Variants in RPL26 observed in about 807,000 individuals in gnomAD.
RPL26 encodes large ribosomal subunit protein uL24.
Under a neutral mutation model 16.2 loss-of-function variants are expected in RPL26, and 1 was observed. The observed-to-expected ratio is 0.06, with a 90% CI of 0.02 to 0.29. The LOEUF is 0.29. RPL26 is among the 10% of genes least tolerant of loss of function. RPL26 has a pLI of 1.00. For missense variants in RPL26, 102 were observed against 184.3 expected (o/e 0.55, Z 2.58); for synonymous variants, 55 against 62.4 (o/e 0.88, Z 0.56).
chr17:8,383,161 T>C lies in RPL26; in HGVS notation c.-10A>G, dbSNP rs965332933. The stretch of plus-strand genomic sequence containing the variant: ...GCTTGCCCGCCGAATCCTTACCCGC[T>C]CCCGCTTCGGTGATGGCCGCAAAAG... On this transcript the variant is annotated 5_prime_UTR_variant, in exon 1 of 4. Coordinates refer to ENST00000648839, the MANE Select transcript of RPL26 (RefSeq NM_000987.5). The C allele has an allele frequency of 2.5e-6, 1 of 398,508 alleles. No individual in the cohort carries two copies. The allele number at this position is 398,508 out of a possible 1,614,324, so 24.7% of individuals were successfully genotyped here.
At chr17:8,378,314 C>T (rs1161434917) in intron 3 of RPL26, among the ~76,000 whole-genome samples, 1 of 152,054 alleles carries the variant, frequency 6.6e-6, no homozygotes, top group African/African-American at 2.4e-5. Context: ...CCAGCCTGGG[C>T]GATCAATCGA....
At chr17:8,379,967 T>G in intron 2 of RPL26, 31 bp from the exon 3 acceptor site, 1 of 1,580,588 alleles carries the variant, frequency 6.3e-7, no homozygotes, top group South Asian at 1.1e-5. Flanking sequence ...AACAAATATT[T>G]GAATAAAAGA....
chr17:8,382,907 G>C (rs1907492563), intron 1 of RPL26: 1 of 396,980 alleles, frequency 2.5e-6, no homozygotes, highest in African/African-American at 2.1e-5. Flanking sequence ...ACACTACCCA[G>C]ACTCCAGTCT....
chr17:8,378,195 G>A (rs1450221401), intron 3 of RPL26, among the ~76,000 whole-genome samples: 2 of 152,194 alleles, frequency 1.3e-5, no homozygotes, highest in African/African-American at 4.8e-5. Flanking sequence ...GCTGGGTATG[G>A]TGGCACATGC....
intron 2 of RPL26, among the ~76,000 whole-genome samples, chr17:8,381,498 C>G (rs1339116047): frequency 6.6e-6 from 1 of 152,120 alleles, no homozygotes. Context: ...GCAGGATCCC[C>G]AGGAGTTGGA....
intron 2 of RPL26, chr17:8,381,910 G>GA (rs1369801022): frequency 2.7e-6 from 1 of 370,000 alleles, no homozygotes; most frequent in Admixed American, 5.1e-5. Context: ...GCCTGGGGGG[G>GA]ACAAGAGCGA....
At chr17:8,382,403 C>CTAGACT in intron 1 of RPL26, 88 bp from the exon 2 acceptor site, 1 of 954,322 alleles carries the variant, frequency 1.0e-6, no homozygotes, top group Non-Finnish European at 1.6e-6. Context: ...TCTTGATAGT[C>CTAGACT]TAGAATGATC....
intron 1 of RPL26, 91 bp from the exon 2 acceptor site, chr17:8,382,406 G>C (rs891172579): frequency 3.2e-6 from 3 of 933,280 alleles, no homozygotes; most frequent in Non-Finnish European, 3.3e-6. Flanking sequence ...TGATAGTCTA[G>C]AATGATCATA....
intron 1 of RPL26, chr17:8,382,618 G>A (rs927419111): frequency 2.8e-6 from 1 of 357,150 alleles, no homozygotes; most frequent in Non-Finnish European, 5.1e-6. Context: ...TAGTGCCTGA[G>A]GAAATCAAGA....
At position 8,379,953 on chromosome 17, in the gene RPL26, A is replaced by G; in HGVS notation, c.169-17T>C. ...ACGTACAACCTAAGAGCAAATTCAA[A>G]AGTAACAAATATTTGAATAAAAGAT... On this transcript the variant is annotated splice_polypyrimidine_tract_variant and intron_variant, in intron 2 of 3. Transcript: ENST00000648839. The G allele has an allele frequency of 6.2e-7, 1 of 1,601,710 alleles. No individual in the cohort carries two copies. Among genetic ancestry groups the G allele is most frequent in the Non-Finnish European group, 8.5e-7 (1 of 1,172,164 alleles).
At position 8,382,127 on chromosome 17, in the gene RPL26, A is replaced by C; in HGVS notation, c.168+16T>G. 1 of 1,607,546 alleles carries C rather than the reference A, an allele frequency of 6.2e-7. No individual in the cohort carries two copies. Among genetic ancestry groups the C allele is most frequent in the Non-Finnish European group, 8.5e-7 (1 of 1,175,258 alleles). On this transcript the variant is annotated intron_variant, in intron 2 of 3. Coordinates refer to ENST00000648839, the MANE Select transcript of RPL26 (RefSeq NM_000987.5). ...AAATATCCATCAAGACAACGAGAACAAGTAGGGATACACACCTGAACTTCA... is the reference window on the plus strand; with the variant it reads ...AAATATCCATCAAGACAACGAGAACCAGTAGGGATACACACCTGAACTTCA...
chr17:8,382,666 A>G (rs1907478389), intron 1 of RPL26: 1 of 294,840 alleles, frequency 3.4e-6, no homozygotes, highest in Non-Finnish European at 6.2e-6. Flanking sequence ...CGACAACGCA[A>G]TTCTCTTAAC....
intron 3 of RPL26, 30 bp downstream of exon 3, chr17:8,379,766 C>T: frequency 6.3e-7 from 1 of 1,599,230 alleles, no homozygotes; most frequent in South Asian, 1.1e-5. Flanking sequence ...CCATAATTTC[C>T]TTCTCTCAAG....
chr17:8,382,055 A>C (rs1372311681), intron 2 of RPL26, 88 bp downstream of exon 2: 5 of 1,184,528 alleles, frequency 4.2e-6, no homozygotes, highest in Non-Finnish European at 4.9e-6. Flanking sequence ...AGAGTCTCAG[A>C]AGCATCTTTC....
At chr17:8,383,115 G>A (rs907333004) in intron 1 of RPL26, 42 bp downstream of exon 1, 2 of 398,658 alleles carry the variant, frequency 5.0e-6, no homozygotes, top group Admixed American at 4.4e-5. Context: ...GCCCAAGAAC[G>A]GATGGCTGCT....
intron 2 of RPL26, chr17:8,381,388 T>A (rs1241095270): frequency 6.6e-6 from 1 of 152,194 alleles, no homozygotes; most frequent in Admixed American, 6.5e-5. Context: ...TGTTGGGTAG[T>A]CACAATATAT....
intron 1 of RPL26, 108 bp from the exon 2 acceptor site, chr17:8,382,423 G>T: frequency 1.3e-6 from 1 of 767,838 alleles, no homozygotes; most frequent in Non-Finnish European, 2.1e-6. Context: ...CATAGGCAGT[G>T]TCATGTTGTG....
intron 1 of RPL26, 91 bp downstream of exon 1, chr17:8,383,066 C>T (rs1224822355): frequency 1.5e-5 from 6 of 398,642 alleles, no homozygotes; most frequent in Non-Finnish European, 2.7e-5. Context: ...ACTCGGCCGA[C>T]AAGAGACTCT....
At chr17:8,381,424 A>G (rs1907403274) in intron 2 of RPL26, 1 of 152,232 alleles carries the variant, frequency 6.6e-6, no homozygotes, top group Non-Finnish European at 1.5e-5. Flanking sequence ...TCCCAAAGCA[A>G]TGTTCTGATT....
Sources: allele counts gnomAD v4.1 joint callset (sites outside exome capture counted in the v4.1 genomes callset), GRCh38; gene constraint gnomAD v4.1.1; transcripts MANE v1.5; gene names NCBI Gene and HGNC (gene_info 2026-07-23, HGNC 2026-07-21).